The following IPCEF1 variants were observed in gnomAD, a reference collection of about 807,000 sequenced individuals.
IPCEF1 encodes interaction protein for cytohesin exchange factors 1, also known as interactor protein for cytohesin exchange factors 1.
A neutral mutation model predicts 50.9 loss-of-function variants in IPCEF1; 31 were observed. The observed-to-expected ratio is 0.61, with a 90% confidence interval of 0.46 to 0.82. IPCEF1 has a LOEUF of 0.82. Ranked by LOEUF, IPCEF1 falls within the 40% of genes least tolerant of loss-of-function variation. IPCEF1 has a pLI of 0.00. For missense variants in IPCEF1, 458 were observed against 514.0 expected (o/e 0.89, Z 1.05); for synonymous variants, 181 against 192.0 (o/e 0.94, Z 0.47).
intron 1 of IPCEF1, among the ~76,000 whole-genome samples, chr6:154,323,330 G>A (rs1295832591): frequency 6.6e-6 from 1 of 151,920 alleles, no homozygotes; most frequent in Non-Finnish European, 1.5e-5. Flanking sequence ...TGGGGACAGG[G>A]AACATATATT....
intron 2 of IPCEF1, among the ~76,000 whole-genome samples, chr6:154,280,402 C>T (rs1357531293): frequency 6.6e-6 from 1 of 151,622 alleles, no homozygotes; most frequent in African/African-American, 2.4e-5. Context: ...TCTATCTCTA[C>T]AAAGAGGTAA....
chr6:154,245,692 G>A (rs1780975742), intron 5 of IPCEF1, among the ~76,000 whole-genome samples: 1 of 151,990 alleles, frequency 6.6e-6, no homozygotes, highest in African/African-American at 2.4e-5. Flanking sequence ...TCCCTTAATT[G>A]ACTAAAGGCC....
intron 10 of IPCEF1, among the ~76,000 whole-genome samples, chr6:154,187,261 G>C (rs984029891): frequency 2.6e-5 from 4 of 152,032 alleles, no homozygotes; most frequent in African/African-American, 9.7e-5. Context: ...CCTCTGTCCA[G>C]TCTCTCTCTA....
At chr6:154,268,300 C>T (rs2078236164) in intron 2 of IPCEF1, among the ~76,000 whole-genome samples, 1 of 152,226 alleles carries the variant, frequency 6.6e-6, no homozygotes, top group Admixed American at 6.5e-5. Context: ...TAGGTCCTGT[C>T]TGCTCTTTGG....
Position 154,168,586 on chromosome 6 carries a change from T to A in IPCEF1, c.911-473A>T, listed in dbSNP as rs9478510. ...GGTTAGGACGTCAACATACGAATTT[T>A]ATTAATTAATTAATTAATTTTATTA... On this transcript the variant is annotated intron_variant, in intron 10 of 11. Transcript: ENST00000367220. The surrounding 1 kb of genome is among the most constrained non-coding windows in gnomAD (Gnocchi z 4.1). Among the ~76,000 whole-genome samples the A allele has an allele frequency of 0.083, 12,630 of 152,134 alleles. 737 individuals are homozygous for A. The highest frequency in any genetic ancestry group is 0.16 in the African/African-American group (6,529 of 41,484).
chr6:154,156,348 C>T lies in IPCEF1; in HGVS notation c.*3480G>A, dbSNP rs144500658. ...GAAACACACGCTCCCAGTCAAACTT[C>T]TTGGTTTCCTAGTGGGCTATGTGCC... is the stretch of plus-strand genomic sequence containing the variant. On this transcript the variant is annotated 3_prime_UTR_variant, in exon 12 of 12. Transcript: ENST00000367220. The T allele has an allele frequency of 6.6e-6, 1 of 152,356 alleles. No homozygotes were observed. The highest frequency in any genetic ancestry group is 1.9e-4 in the East Asian group (1 of 5,190). 9.4% of individuals were successfully genotyped at this position (152,356 alleles called of 1,614,324 possible).
At chr6:154,182,980 T>C (rs1334027308) in intron 10 of IPCEF1, among the ~76,000 whole-genome samples, 1 of 134,742 alleles carries the variant, frequency 7.4e-6, no homozygotes, top group African/African-American at 3.0e-5. Context: ...CCCTTATCTT[T>C]TTTTTTTCTT....
chr6:154,259,907 G>A (rs1781553816), intron 3 of IPCEF1, among the ~76,000 whole-genome samples: 1 of 152,168 alleles, frequency 6.6e-6, no homozygotes, highest in South Asian at 2.1e-4. Flanking sequence ...TTATGTTGAT[G>A]TAGCCTGAAA....
intron 9 of IPCEF1, among the ~76,000 whole-genome samples, chr6:154,208,218 A>G (rs1251940266): frequency 6.9e-6 from 1 of 144,684 alleles, no homozygotes; most frequent in East Asian, 2.1e-4. Flanking sequence ...ATTTCCTACT[A>G]CTCTCATCTT....
At chr6:154,228,305 A>T (rs199766106) in intron 5 of IPCEF1, among the ~76,000 whole-genome samples, 3 of 22,372 alleles carry the variant, frequency 1.3e-4, no homozygotes, top group African/African-American at 7.1e-4. Context: ...GTCTCTGTTT[A>T]AAAAAAAAAA....
At chr6:154,291,128 G>A (rs1003775261) in intron 1 of IPCEF1, among the ~76,000 whole-genome samples, 6 of 152,004 alleles carry the variant, frequency 3.9e-5, no homozygotes, top group South Asian at 2.1e-4. Flanking sequence ...TCCTGACCTC[G>A]TGATCCACCC....
chr6:154,219,632 T>C (rs557038036), intron 7 of IPCEF1, among the ~76,000 whole-genome samples: 3 of 151,910 alleles, frequency 2.0e-5, no homozygotes, highest in Non-Finnish European at 2.9e-5. Flanking sequence ...TAGCAACTGA[T>C]GCAAATAAAA....
intron 10 of IPCEF1, among the ~76,000 whole-genome samples, chr6:154,171,254 AT>A (rs1397360876): frequency 6.6e-6 from 1 of 152,214 alleles, no homozygotes; most frequent in Non-Finnish European, 1.5e-5. Flanking sequence ...AAAATGTGGC[AT>A]TTGCATGTGA....
intron 2 of IPCEF1, among the ~76,000 whole-genome samples, chr6:154,268,106 C>T (rs141276263): frequency 6.6e-6 from 1 of 152,340 alleles, no homozygotes; most frequent in Non-Finnish European, 1.5e-5. Context: ...TCCGCCCTGG[C>T]ATCTGTCTGC....
intron 3 of IPCEF1, among the ~76,000 whole-genome samples, chr6:154,257,700 T>C (rs1781496286): frequency 6.6e-6 from 1 of 152,086 alleles, no homozygotes. Context: ...GTTTTGTTTG[T>C]TTGTTTGTTT....
chr6:154,291,169 G>A (rs1782505103), intron 1 of IPCEF1, among the ~76,000 whole-genome samples: 1 of 152,110 alleles, frequency 6.6e-6, no homozygotes, highest in African/African-American at 2.4e-5. Flanking sequence ...TGGGATTACA[G>A]GCATGAGCCA....
At chr6:154,213,007 A>C (rs1405134144) in intron 8 of IPCEF1, 152 bp from the exon 9 acceptor site, 1 of 627,982 alleles carries the variant, frequency 1.6e-6, no homozygotes, top group Non-Finnish European at 2.9e-6. Context: ...TACCTGGTGC[A>C]AAGGAATTAC....
Position 154,168,850 on chromosome 6 carries a change from C to T in IPCEF1, c.911-737G>A, listed in dbSNP as rs1799647058. On this transcript the variant is annotated intron_variant, in intron 10 of 11. Transcript: ENST00000367220. This position sits in a 1 kb window ranked among gnomAD's most constrained non-coding sequence, Gnocchi z 4.1. The stretch of plus-strand genomic sequence containing the variant: ...TGAACTCCTGACTTTGGGTGATCCG[C>T]CCACCTTGGCCTCCCAAAGTGCTGG... Among the ~76,000 whole-genome samples the T allele has an allele frequency of 6.6e-6, 1 of 151,998 alleles. No individual in the cohort carries two copies. Among genetic ancestry groups the T allele is most frequent in the Non-Finnish European group, 1.5e-5 (1 of 68,010 alleles).
rs1461503903 is a variant in IPCEF1, at chr6:154,168,172, A to T, written c.911-59T>A. 3 of 1,317,506 alleles carry T rather than the reference A, an allele frequency of 2.3e-6. No individual in the cohort carries two copies. The highest frequency in any genetic ancestry group is 1.0e-6 in the Non-Finnish European group (1 of 960,172). The allele number at this position is 1,317,506 out of a possible 1,614,324, so 81.6% of individuals were successfully genotyped here. A position where few individuals can be genotyped will look rare whatever the true frequency, so the allele number is the denominator to read the frequency against. ...AAACCCAGTGAAAAATCAAGGAGAGAACATTCAATACTGTGGTCCCAAGGC... is the reference window on the plus strand; with the variant it reads ...AAACCCAGTGAAAAATCAAGGAGAGTACATTCAATACTGTGGTCCCAAGGC... On this transcript the variant is annotated intron_variant, in intron 10 of 11. Coordinates refer to ENST00000367220, the MANE Select transcript of IPCEF1 (RefSeq NM_001130700.2). This position sits in a 1 kb window ranked among gnomAD's most constrained non-coding sequence, Gnocchi z 4.1.
Sources: allele counts gnomAD v4.1 joint callset (sites outside exome capture counted in the v4.1 genomes callset), GRCh38; gene constraint gnomAD v4.1.1; non-coding constraint Gnocchi (gnomAD v3.1); transcripts MANE v1.5; gene names NCBI Gene and HGNC (gene_info 2026-07-23, HGNC 2026-07-21).